Variants in MACROD2 observed in about 807,000 individuals in gnomAD.
MACROD2 encodes mono-ADP ribosylhydrolase 2.
MACROD2 carries 36 observed loss-of-function variants against 70.4 expected under a neutral mutation model. The ratio of observed to expected loss-of-function variants is 0.51; its 90% CI spans 0.39 to 0.68. The LOEUF is 0.68. Ranked by LOEUF, MACROD2 falls within the 30% of genes least tolerant of loss-of-function variation. MACROD2 has a pLI of 0.00. For missense variants in MACROD2, 496 were observed against 538.4 expected (o/e 0.92, Z 0.78); for synonymous variants, 172 against 178.8 (o/e 0.96, Z 0.30).
At chr20:15,766,045 G>A (rs535184748) in intron 8 of MACROD2, among the ~76,000 whole-genome samples, 29 of 152,218 alleles carry the variant, frequency 1.9e-4, no homozygotes, top group Middle Eastern at 3.4e-3. Flanking sequence ...GATGATGATG[G>A]AAATAATTGT....
At chr20:15,564,898 T>C (rs1437459040) in intron 8 of MACROD2, among the ~76,000 whole-genome samples, 1 of 152,226 alleles carries the variant, frequency 6.6e-6, no homozygotes, top group African/African-American at 2.4e-5. Flanking sequence ...AATATTTTCT[T>C]ACATGACCCC....
chr20:14,520,955 G>A (rs924668532), intron 4 of MACROD2, among the ~76,000 whole-genome samples: 14 of 80,880 alleles, frequency 1.7e-4, no homozygotes, highest in Non-Finnish European at 2.6e-4. Context: ...GCGTGCGTGC[G>A]CGCACACACA....
At chr20:14,487,074 C>T (rs1156859439) in intron 3 of MACROD2, among the ~76,000 whole-genome samples, 1 of 152,170 alleles carries the variant, frequency 6.6e-6, no homozygotes, top group Admixed American at 6.5e-5. Flanking sequence ...GGACAGAAAA[C>T]TATTCCTAAA....
intron 8 of MACROD2, among the ~76,000 whole-genome samples, chr20:15,819,935 G>T (rs893592390): frequency 3.3e-5 from 5 of 152,090 alleles, no homozygotes; most frequent in Non-Finnish European, 7.4e-5. Context: ...CAATAAAAAA[G>T]AACTGTGTGA....
At chr20:15,562,663 G>C (rs957534998) in intron 8 of MACROD2, among the ~76,000 whole-genome samples, 2 of 152,142 alleles carry the variant, frequency 1.3e-5, no homozygotes, top group Non-Finnish European at 2.9e-5. Context: ...TAATCATTGG[G>C]ATGATTACTT....
chr20:14,510,673 C>T (rs972348852), intron 4 of MACROD2, among the ~76,000 whole-genome samples: 2 of 152,014 alleles, frequency 1.3e-5, no homozygotes, highest in Non-Finnish European at 2.9e-5. Flanking sequence ...TGGAATAACC[C>T]TTTTATCTTC....
At chr20:15,500,457 C>T (rs1003360844) in intron 8 of MACROD2, among the ~76,000 whole-genome samples, 1 of 152,116 alleles carries the variant, frequency 6.6e-6, no homozygotes, top group Admixed American at 6.6e-5. Flanking sequence ...CTCAAGTAAA[C>T]AAAGCAGCAA....
At chr20:14,973,820 CTTAAG>C (rs1368070737) in intron 5 of MACROD2, among the ~76,000 whole-genome samples, 1 of 152,070 alleles carries the variant, frequency 6.6e-6, no homozygotes, top group East Asian at 1.9e-4. Context: ...CCTCAAGGAA[CTTAAG>C]TTTAGTAGAA....
chr20:15,802,374 T>A (rs561237346), intron 8 of MACROD2, among the ~76,000 whole-genome samples: 1 of 152,286 alleles, frequency 6.6e-6, no homozygotes, highest in East Asian at 1.9e-4. Flanking sequence ...CTACTATGTA[T>A]AACTTGTTAA....
intron 5 of MACROD2, among the ~76,000 whole-genome samples, chr20:15,140,891 C>T (rs1297492859): frequency 6.6e-6 from 1 of 152,154 alleles, no homozygotes; most frequent in African/African-American, 2.4e-5. Flanking sequence ...TAACTGCCTA[C>T]GTGGATCACA....
At chr20:15,039,482 A>T (rs1482507779) in intron 5 of MACROD2, among the ~76,000 whole-genome samples, 1 of 152,172 alleles carries the variant, frequency 6.6e-6, no homozygotes, top group Non-Finnish European at 1.5e-5. Flanking sequence ...GGAAGGTTGG[A>T]GAGACCTTGC....
chr20:15,073,951 A>T (rs1482538169), intron 5 of MACROD2, among the ~76,000 whole-genome samples: 3 of 152,210 alleles, frequency 2.0e-5, no homozygotes, highest in Non-Finnish European at 4.4e-5. Context: ...TACCAGAAAA[A>T]TTATAACAAA....
intron 6 of MACROD2, among the ~76,000 whole-genome samples, chr20:15,324,391 C>T (rs1199993897): frequency 3.3e-5 from 5 of 152,306 alleles, no homozygotes; most frequent in East Asian, 1.9e-4. Context: ...AACCCGTATA[C>T]AACACCCCAA....
At chr20:14,847,026 C>T (rs1204326181) in intron 5 of MACROD2, among the ~76,000 whole-genome samples, 1 of 151,836 alleles carries the variant, frequency 6.6e-6, no homozygotes, top group Non-Finnish European at 1.5e-5. Context: ...ATGCTTTAGA[C>T]AATATCTATT....
In MACROD2 at chr20:14,788,924, A is replaced by T. The variant is rs372691452; in HGVS notation, c.418+103965A>T. On this transcript the variant is annotated intron_variant, in intron 5 of 17. Transcript: ENST00000684519. ...GCTAGGATTACAGGCACTCACCACG[A>T]TGCCCGGCTAATTTTTGTATTTTTA... Among the ~76,000 whole-genome samples the T allele has an allele frequency of 4.0e-5, 6 of 151,778 alleles. 1 individual carries two copies. The highest frequency in any genetic ancestry group is 1.5e-4 in the African/African-American group (6 of 41,356).
At position 14,831,628 on chromosome 20, in the gene MACROD2, A is replaced by G. The variant is rs140941958; in HGVS notation, c.418+146669A>G. ...ACCCCATCTTTACTAAAAAATACAA[A>G]CAATAGCCAGGTGTGGTGGCGGGCG... On this transcript the variant is annotated intron_variant, in intron 5 of 17. Coordinates refer to ENST00000684519, the MANE Select transcript of MACROD2 (RefSeq NM_001351661.2). 3.7e-3 allele frequency among the ~76,000 whole-genome samples: 560 copies of G among 151,534 alleles called. 4 individuals are homozygous for G. The highest frequency in any genetic ancestry group is 6.3e-3 in the Non-Finnish European group (426 of 67,814).
chr20:15,636,076 GAA>G (rs57402806), intron 8 of MACROD2, among the ~76,000 whole-genome samples: 72 of 85,840 alleles, frequency 8.4e-4, no homozygotes, highest in South Asian at 3.6e-3. Context: ...CCTCTCAAAA[GAA>G]AAAAAAAAAA....
intron 3 of MACROD2, among the ~76,000 whole-genome samples, chr20:14,426,882 G>A (rs368473841): frequency 1.1e-4 from 17 of 152,014 alleles, no homozygotes; most frequent in African/African-American, 4.1e-4. Context: ...TTACCCCTTA[G>A]CCCTTATTTG....
At chr20:15,776,460 C>A (rs956611341) in intron 8 of MACROD2, among the ~76,000 whole-genome samples, 9 of 152,152 alleles carry the variant, frequency 5.9e-5, no homozygotes, top group Admixed American at 4.6e-4. Context: ...TGACTATTTC[C>A]AACTCAGCTC....
Sources: gnomAD v4.1 joint callset for allele counts (sites outside exome capture counted in the v4.1 genomes callset) on GRCh38, gnomAD v4.1.1 for gene constraint, MANE v1.5 for transcripts, NCBI Gene and HGNC (gene_info 2026-07-23, HGNC 2026-07-21) for gene names.